The following IQCM variants were observed in gnomAD, a reference collection of about 807,000 sequenced individuals.
IQCM encodes the protein IQ motif containing M.
A neutral mutation model predicts 57.6 loss-of-function variants in IQCM; 45 were observed. The observed-to-expected ratio is 0.78, with a 90% CI of 0.62 to 1.00. The LOEUF is 1.00. IQCM is among the 50% of genes least tolerant of loss of function. The pLI is 0.00. For synonymous variants in IQCM, 148 were observed against 158.9 expected (o/e 0.93, Z 0.51); for missense variants, 468 against 511.6 (o/e 0.91, Z 0.82).
chr4:149,444,698 C>T (rs1736317168), intron 12 of IQCM, among the ~76,000 whole-genome samples: 1 of 151,342 alleles, frequency 6.6e-6, no homozygotes, highest in Non-Finnish European at 1.5e-5. Context: ...AACAGATTAG[C>T]AGGCACTAAG....
chr4:149,363,949 G>T (rs1185355602), intron 13 of IQCM, among the ~76,000 whole-genome samples: 1 of 152,082 alleles, frequency 6.6e-6, no homozygotes, highest in Admixed American at 6.6e-5. Flanking sequence ...GCTTCTACTG[G>T]AATAGTATGA....
chr4:149,689,591 A>G (rs1762800910), intron 5 of IQCM, among the ~76,000 whole-genome samples: 1 of 152,130 alleles, frequency 6.6e-6, no homozygotes, highest in African/African-American at 2.4e-5. Flanking sequence ...GACTTAATTA[A>G]CTAAAGAACT....
At chr4:149,509,329 G>A (rs370822419) in intron 12 of IQCM, among the ~76,000 whole-genome samples, 4 of 151,906 alleles carry the variant, frequency 2.6e-5, no homozygotes, top group African/African-American at 9.7e-5. Context: ...CCAGGCTGGG[G>A]TGCAGTGACA....
intron 2 of IQCM, among the ~76,000 whole-genome samples, chr4:149,745,318 A>G (rs1400808779): frequency 6.6e-6 from 1 of 152,202 alleles, no homozygotes; most frequent in Non-Finnish European, 1.5e-5. Flanking sequence ...GACATAACCA[A>G]CGTTCTAGAA....
Position 149,754,356 on chromosome 4 carries a change from A to G in IQCM, c.-48-11617T>C, listed in dbSNP as rs140808133. Among the ~76,000 whole-genome samples, 445 of 152,246 alleles carry G rather than the reference A, an allele frequency of 2.9e-3. 1 individual carries two copies. Among genetic ancestry groups the G allele is most frequent in the Non-Finnish European group, 5.2e-3 (351 of 67,996 alleles). On this transcript the variant is annotated intron_variant, in intron 2 of 13. Transcript: ENST00000636793. ...CTTCGCTAGACTGCATCACAGCTCA[A>G]TTTCTCCCTCTGACAATTCCTGCTT...
chr4:149,673,464 G>A (rs1051336744), intron 7 of IQCM, among the ~76,000 whole-genome samples: 6 of 151,986 alleles, frequency 3.9e-5, no homozygotes, highest in Non-Finnish European at 8.8e-5. Flanking sequence ...AAATGCAGGG[G>A]TTGCAATCCT....
At chr4:149,796,204 G>T (rs1017783182) in intron 2 of IQCM, among the ~76,000 whole-genome samples, 1 of 152,162 alleles carries the variant, frequency 6.6e-6, no homozygotes, top group African/African-American at 2.4e-5. Flanking sequence ...TGAGATCCAA[G>T]ACAGGCAGCA....
chr4:149,743,468 T>C (rs1366174004), intron 2 of IQCM, among the ~76,000 whole-genome samples: 1 of 134,854 alleles, frequency 7.4e-6, no homozygotes, highest in East Asian at 2.1e-4. Flanking sequence ...TATATCTATA[T>C]TCCCAATTTT....
intron 2 of IQCM, among the ~76,000 whole-genome samples, chr4:149,794,753 A>T: frequency 6.6e-6 from 1 of 152,154 alleles, no homozygotes; most frequent in East Asian, 1.9e-4. Flanking sequence ...GCTGTAAGAT[A>T]AAGTCAAGAA....
At position 149,430,911 on chromosome 4, in the gene IQCM, A is replaced by C. The variant is rs575215601; in HGVS notation, c.1390+2485T>G. 2.6e-5 allele frequency among the ~76,000 whole-genome samples: 4 copies of C among 152,104 alleles called. No individual in the cohort carries two copies. The South Asian group carries it at 8.3e-4, about 31-fold the overall frequency. On this transcript the variant is annotated intron_variant, in intron 13 of 13. Transcript: ENST00000636793. Reference sequence around the variant, plus strand: ...TGGCAGATGTATGTTTAATTTTATAAAAAATTGACCAGGCGCAGTAGCTCA... The same window carrying C: ...TGGCAGATGTATGTTTAATTTTATACAAAATTGACCAGGCGCAGTAGCTCA...
At chr4:149,392,125 GTTT>G (rs34228770) in intron 13 of IQCM, among the ~76,000 whole-genome samples, 5 of 146,156 alleles carry the variant, frequency 3.4e-5, no homozygotes, top group Admixed American at 1.4e-4. Flanking sequence ...AATTTTGTCA[GTTT>G]TTTTTTTTTT....
chr4:149,781,988 ATT>A (rs146781968), intron 2 of IQCM, among the ~76,000 whole-genome samples: 1 of 150,118 alleles, frequency 6.7e-6, no homozygotes, highest in African/African-American at 2.4e-5. Flanking sequence ...GTAAGACAAT[ATT>A]TTTTTTTTAA....
At chr4:149,653,163 A>G (rs1759342858) in intron 7 of IQCM, among the ~76,000 whole-genome samples, 3 of 152,158 alleles carry the variant, frequency 2.0e-5, no homozygotes. Context: ...ATGGTGTATC[A>G]TTTAAAATTA....
At chr4:149,411,902 T>C (rs2111177290) in intron 13 of IQCM, among the ~76,000 whole-genome samples, 1 of 152,350 alleles carries the variant, frequency 6.6e-6, no homozygotes. Flanking sequence ...TTGTTCTTTT[T>C]TTCTACTTCA....
intron 7 of IQCM, among the ~76,000 whole-genome samples, chr4:149,642,144 T>C (rs1758250124): frequency 2.0e-5 from 3 of 152,140 alleles, no homozygotes; most frequent in Non-Finnish European, 2.9e-5. Context: ...ATTTAATAAA[T>C]GGCACTTTGA....
intron 6 of IQCM, among the ~76,000 whole-genome samples, chr4:149,683,569 G>GT (rs941106664): frequency 4.4e-4 from 67 of 151,356 alleles, no homozygotes; most frequent in African/African-American, 1.5e-3. Flanking sequence ...ATAGAGAGAC[G>GT]TGAGTATGCA....
At chr4:149,607,563 A>G (rs1754903548) in intron 8 of IQCM, among the ~76,000 whole-genome samples, 1 of 152,068 alleles carries the variant, frequency 6.6e-6, no homozygotes, top group South Asian at 2.1e-4. Flanking sequence ...AATATAACAA[A>G]AATAATAACT....
At chr4:149,616,806 T>C in intron 8 of IQCM, among the ~76,000 whole-genome samples, 1 of 151,834 alleles carries the variant, frequency 6.6e-6, no homozygotes, top group East Asian at 1.9e-4. Context: ...AAACCTATGT[T>C]CCAGGTTGAT....
At chr4:149,650,447 C>T (rs1341068676) in intron 7 of IQCM, among the ~76,000 whole-genome samples, 1 of 146,148 alleles carries the variant, frequency 6.8e-6, no homozygotes, top group Non-Finnish European at 1.5e-5. Flanking sequence ...GGCTGGAGTG[C>T]AGTGGCGTGA....
Sources: allele counts gnomAD v4.1 joint callset (sites outside exome capture counted in the v4.1 genomes callset), GRCh38; gene constraint gnomAD v4.1.1; transcripts MANE v1.5; gene names NCBI Gene and HGNC (gene_info 2026-07-23, HGNC 2026-07-21).